PRKCA: variants seen among roughly 807,000 people sequenced by gnomAD.
The protein encoded by PRKCA is protein kinase C alpha type.
Under a neutral mutation model 87.0 loss-of-function variants are expected in PRKCA, and 27 were observed. The observed-to-expected ratio is 0.31, with a 90% CI of 0.23 to 0.43. The LOEUF (loss-of-function observed/expected upper bound fraction) is 0.43. PRKCA is among the 20% of genes least tolerant of loss of function. PRKCA has a pLI of 1.00. For synonymous variants in PRKCA, 329 were observed against 311.1 expected (o/e 1.06, Z -0.61); for missense variants, 518 against 852.3 (o/e 0.61, Z 4.88).
At chr17:66,561,355 C>T (rs745499206) in intron 3 of PRKCA, among the ~76,000 whole-genome samples, 2 of 152,208 alleles carry the variant, frequency 1.3e-5, no homozygotes, top group Non-Finnish European at 2.9e-5. Flanking sequence ...CAGCTCGATG[C>T]TACTCTGCCA....
intron 3 of PRKCA, among the ~76,000 whole-genome samples, chr17:66,594,136 G>A (rs1969899485): frequency 1.3e-5 from 2 of 152,160 alleles, no homozygotes; most frequent in African/African-American, 4.8e-5. Context: ...TGAAGGTCTG[G>A]TACAATGGAG....
At position 66,302,825 on chromosome 17, in the gene PRKCA, G is replaced by C. The variant is rs748043705; in HGVS notation, c.-27G>C. ...CCCTCCGCGGCCGCAGCTCCCCGGC[G>C]GAGGCAAGAGGTGGTTGGGGGGGAC... On this transcript the variant is annotated 5_prime_UTR_variant, in exon 1 of 17. Coordinates refer to ENST00000413366, the MANE Select transcript of PRKCA (RefSeq NM_002737.3). The C allele has an allele frequency of 4.0e-6, 6 of 1,491,366 alleles. No homozygotes were observed. In the South Asian group the frequency reaches 7.4e-5, roughly 18 times the overall value. The allele number at this position is 1,491,366 out of a possible 1,614,324, so 92.4% of individuals were successfully genotyped here.
At position 66,554,575 on chromosome 17, in the gene PRKCA, C is replaced by T. The variant is rs558641209; in HGVS notation, c.288+58292C>T. The stretch of plus-strand genomic sequence containing the variant: ...ACCTTTTGAGATCCTACTCACTCTC[C>T]GAAGGTAAGGTGGGTGACCTGTTAA... On this transcript the variant is annotated intron_variant, in intron 3 of 16. Coordinates refer to ENST00000413366, the MANE Select transcript of PRKCA (RefSeq NM_002737.3). 476 of 934,416 alleles carry T rather than the reference C, an allele frequency of 5.1e-4. 9 individuals are homozygous for T. In the South Asian group the frequency reaches 0.018, roughly 36 times the overall value. 57.9% of individuals were successfully genotyped at this position (934,416 alleles called of 1,614,324 possible). A position where few individuals can be genotyped will look rare whatever the true frequency, so the allele number is the denominator to read the frequency against.
intron 3 of PRKCA, among the ~76,000 whole-genome samples, chr17:66,503,922 T>G (rs1213289264): frequency 1.3e-5 from 2 of 152,204 alleles, no homozygotes; most frequent in Non-Finnish European, 2.9e-5. Context: ...CCAAAACATT[T>G]TTATATTCCT....
At position 66,567,961 on chromosome 17, in the gene PRKCA, G is replaced by A. The variant is rs867863152; in HGVS notation, c.288+71678G>A. Among the ~76,000 whole-genome samples the A allele has an allele frequency of 1.1e-4, 17 of 152,160 alleles. 1 individual carries two copies. The highest frequency in any genetic ancestry group is 6.5e-4 in the Admixed American group (10 of 15,270). ...GTGTTTCCTGGAAAAATTCTTAAAC[G>A]GATTATAAAAAGCACTAAGTGTAAA... On this transcript the variant is annotated intron_variant, in intron 3 of 16. Coordinates refer to ENST00000413366, the MANE Select transcript of PRKCA (RefSeq NM_002737.3).
chr17:66,587,895 GTATATA>G (rs71160580), intron 3 of PRKCA, among the ~76,000 whole-genome samples: 1,913 of 85,384 alleles, frequency 0.022, 192 homozygotes, highest in Middle Eastern at 0.061. Flanking sequence ...GTGTGTGTGT[GTATATA>G]TATATATATA....
intron 16 of PRKCA, among the ~76,000 whole-genome samples, chr17:66,789,723 T>C (rs934846022): frequency 2.0e-4 from 31 of 152,352 alleles, no homozygotes; most frequent in African/African-American, 7.0e-4. Flanking sequence ...AGCTGATAGA[T>C]GGTGAAACCA....
At chr17:66,643,390 G>T (rs917264666) in intron 4 of PRKCA, among the ~76,000 whole-genome samples, 46 of 152,322 alleles carry the variant, frequency 3.0e-4, no homozygotes, top group African/African-American at 1.1e-3. Context: ...GTGGAGGCTG[G>T]TCTGAGACAT....
intron 13 of PRKCA, among the ~76,000 whole-genome samples, chr17:66,767,117 T>A (rs77635068): frequency 1.3e-5 from 2 of 152,176 alleles, no homozygotes; most frequent in African/African-American, 2.4e-5. Flanking sequence ...ATTAATTGAT[T>A]GGCTTTGAGC....
chr17:66,750,164 A>C (rs1974397077), intron 13 of PRKCA, among the ~76,000 whole-genome samples: 1 of 152,022 alleles, frequency 6.6e-6, no homozygotes, highest in South Asian at 2.1e-4. Flanking sequence ...GAGAAAAGCC[A>C]ATCAGCACCA....
chr17:66,681,777 A>G (rs1972501551), intron 5 of PRKCA, among the ~76,000 whole-genome samples: 1 of 152,082 alleles, frequency 6.6e-6, no homozygotes, highest in African/African-American at 2.4e-5. Flanking sequence ...CACCTGCAGC[A>G]CCCATTCACG....
intron 2 of PRKCA, among the ~76,000 whole-genome samples, chr17:66,470,506 G>C (rs1915280469): frequency 1.3e-5 from 2 of 152,024 alleles, no homozygotes; most frequent in Non-Finnish European, 2.9e-5. Context: ...GGGATTACAG[G>C]CTTGAGTCAC....
intron 2 of PRKCA, among the ~76,000 whole-genome samples, chr17:66,445,104 A>T (rs933556110): frequency 1.3e-5 from 2 of 152,180 alleles, no homozygotes; most frequent in Non-Finnish European, 2.9e-5. Flanking sequence ...ACATTGACCC[A>T]GGGTGGGACT....
At chr17:66,449,998 G>C (rs1470624717) in intron 2 of PRKCA, among the ~76,000 whole-genome samples, 1 of 152,018 alleles carries the variant, frequency 6.6e-6, no homozygotes, top group Non-Finnish European at 1.5e-5. Flanking sequence ...ATACCTTGGG[G>C]AGTGGGAGTG....
intron 2 of PRKCA, among the ~76,000 whole-genome samples, chr17:66,315,655 T>A (rs1427741658): frequency 6.6e-6 from 1 of 152,140 alleles, no homozygotes; most frequent in Admixed American, 6.5e-5. Flanking sequence ...AATTTTTGTA[T>A]TCTTAGTAGA....
Position 66,302,846 on chromosome 17 carries a change from G to C in PRKCA, c.-6G>C. ...CGGCGGAGGCAAGAGGTGGTTGGGGGGGACCATGGCTGACGTTTTCCCGGG... is the reference window on the plus strand; with the variant it reads ...CGGCGGAGGCAAGAGGTGGTTGGGGCGGACCATGGCTGACGTTTTCCCGGG... On this transcript the variant is annotated 5_prime_UTR_variant, in exon 1 of 17. Coordinates refer to ENST00000413366, the MANE Select transcript of PRKCA (RefSeq NM_002737.3). 6.3e-7 allele frequency: 1 copy of C among 1,593,086 alleles called. No individual in the cohort carries two copies. Among genetic ancestry groups the C allele is most frequent in the Non-Finnish European group, 8.5e-7 (1 of 1,170,570 alleles).
At chr17:66,785,756 C>T (rs187329952) in intron 14 of PRKCA, among the ~76,000 whole-genome samples, 2 of 152,352 alleles carry the variant, frequency 1.3e-5, no homozygotes, top group Admixed American at 6.5e-5. Flanking sequence ...CTTCATTCGG[C>T]GCTTATTGGG....
rs1182815044 is a variant in PRKCA, at chr17:66,482,110, AAAAAAAAG to A, written c.206-14075_206-14068del. 1.0e-3 allele frequency among the ~76,000 whole-genome samples: 151 copies of A among 150,986 alleles called. 2 individuals are homozygous for A. The highest frequency in any genetic ancestry group is 1.5e-3 in the South Asian group (7 of 4,800). ...AGCAAGACTGTCTCAAAAAAAAAAA[AAAAAAAAG>A]AAAAAAAGAAAAAAAAGAAAGTGGA... On this transcript the variant is annotated intron_variant, in intron 2 of 16. Coordinates refer to ENST00000413366, the MANE Select transcript of PRKCA (RefSeq NM_002737.3).
chr17:66,744,515 G>A (rs1463498154), intron 13 of PRKCA, among the ~76,000 whole-genome samples: 5 of 152,140 alleles, frequency 3.3e-5, no homozygotes, highest in East Asian at 1.9e-4. Flanking sequence ...CTCCTGTTCC[G>A]ACAAATAGCT....
Sources: allele counts gnomAD v4.1 joint callset (sites outside exome capture counted in the v4.1 genomes callset), GRCh38; gene constraint gnomAD v4.1.1; transcripts MANE v1.5; gene names NCBI Gene and HGNC (gene_info 2026-07-23, HGNC 2026-07-21).